KIRREL3: variants seen among roughly 807,000 people sequenced by gnomAD.
KIRREL3 encodes kin of IRRE-like protein 3.
In KIRREL3, 36 loss-of-function variants were observed where a neutral mutation model predicts 89.7. That is an observed-to-expected ratio of 0.40 (90% CI 0.31 to 0.53). The LOEUF (loss-of-function observed/expected upper bound fraction) is 0.53. Among genes scored for constraint, KIRREL3 ranks in the 20% least tolerant of loss-of-function variants. The pLI is 0.49. For synonymous variants in KIRREL3, 445 were observed against 441.4 expected, an observed-to-expected ratio of 1.01 and a Z score of -0.10; for missense variants, 864 against 1,056.6, an observed-to-expected ratio of 0.82 and a Z score of 2.53.
intron 1 of KIRREL3, among the ~76,000 whole-genome samples, chr11:126,829,132 T>G (rs1943517133): frequency 6.6e-6 from 1 of 152,186 alleles, no homozygotes; most frequent in East Asian, 1.9e-4. Flanking sequence ...ACATCCATGG[T>G]GCTGGCGAAG....
rs1264320511 is a variant in KIRREL3, at chr11:126,755,865, G to C, written c.56-192953C>G. Among the ~76,000 whole-genome samples the C allele has an allele frequency of 7.5e-6, 1 of 133,798 alleles. No homozygotes were observed. The highest frequency in any genetic ancestry group is 1.6e-5 in the Non-Finnish European group (1 of 62,922). 87.8% of individuals were successfully genotyped at this position (133,798 alleles called of 152,430 possible). A position where few individuals can be genotyped will look rare whatever the true frequency, so the allele number is the denominator to read the frequency against. On this transcript the variant is annotated intron_variant, in intron 1 of 16. Transcript: ENST00000525144. This position sits in a 1 kb window ranked among gnomAD's most constrained non-coding sequence, Gnocchi z 4.3. Reference sequence around the variant, plus strand: ...AGAGAGAGAGAGAGAGGGAGAGAGGGAGAGAGAAAAAACAGAGAGAGAGAG... The same window carrying C: ...AGAGAGAGAGAGAGAGGGAGAGAGGCAGAGAGAAAAAACAGAGAGAGAGAG...
rs908068344 is a variant in KIRREL3 at position 126,917,566 on chromosome 11, C to T, written c.55+82889G>A. Among the ~76,000 whole-genome samples, 6 of 152,190 alleles carry T rather than the reference C, an allele frequency of 3.9e-5. No individual in the cohort carries two copies. The highest frequency in any genetic ancestry group is 1.4e-4 in the African/African-American group (6 of 41,450). The stretch of plus-strand genomic sequence containing the variant: ...TAGCACCTCCACACCTATCCTGCCT[C>T]TCTTAGAGCACTGCTCAGTTGTAGG... On this transcript the variant is annotated intron_variant, in intron 1 of 16. Transcript: ENST00000525144. This position sits in a 1 kb window ranked among gnomAD's most constrained non-coding sequence, Gnocchi z 5.0.
In KIRREL3 at chr11:126,892,592, G is replaced by C. The variant is rs1023670582; in HGVS notation, c.55+107863C>G. On this transcript the variant is annotated intron_variant, in intron 1 of 16. Coordinates refer to ENST00000525144, the MANE Select transcript of KIRREL3 (RefSeq NM_032531.4). The surrounding 1 kb of genome is among the most constrained non-coding windows in gnomAD (Gnocchi z 5.4). The stretch of plus-strand genomic sequence containing the variant: ...AGAAGTAAGGCCTGGCTCTGTGCAC[G>C]TGTGTGTGCATGTGCACGTGTGTAT... Among the ~76,000 whole-genome samples, 1 of 152,144 alleles carries C rather than the reference G, an allele frequency of 6.6e-6. No individual in the cohort carries two copies. Among genetic ancestry groups the C allele is most frequent in the African/African-American group, 2.4e-5 (1 of 41,426 alleles).
Position 126,635,991 on chromosome 11 carries a change from C to A in KIRREL3, c.56-73079G>T, listed in dbSNP as rs1010822222. On this transcript the variant is annotated intron_variant, in intron 1 of 16. Transcript: ENST00000525144. This position sits in a 1 kb window ranked among gnomAD's most constrained non-coding sequence, Gnocchi z 4.0. The stretch of plus-strand genomic sequence containing the variant: ...CGGGAGGGATCAGTGGAGGAAGCGA[C>A]GTGATTCCTGTAAGACTTGAATGCC... Among the ~76,000 whole-genome samples, 1 of 152,182 alleles carries A rather than the reference C, an allele frequency of 6.6e-6. No homozygotes were observed. The highest frequency in any genetic ancestry group is 1.5e-5 in the Non-Finnish European group (1 of 68,040).
In KIRREL3 at chr11:126,441,890, G is replaced by A. The variant is rs764855225; in HGVS notation, c.1253-1341C>T. 1.4e-4 allele frequency among the ~76,000 whole-genome samples: 21 copies of A among 152,132 alleles called. No homozygotes were observed. The highest frequency in any genetic ancestry group is 1.2e-4 in the Non-Finnish European group (8 of 68,030). Reference sequence around the variant, plus strand: ...CCTAAAAATCCTTCAGCTCCAACAGGTCTAGGACCCAAAGAGATGAGGAGA... The same window carrying A: ...CCTAAAAATCCTTCAGCTCCAACAGATCTAGGACCCAAAGAGATGAGGAGA... On this transcript the variant is annotated intron_variant, in intron 10 of 16. Coordinates refer to ENST00000525144, the MANE Select transcript of KIRREL3 (RefSeq NM_032531.4). The surrounding 1 kb of genome is among the most constrained non-coding windows in gnomAD (Gnocchi z 5.0).
intron 1 of KIRREL3, among the ~76,000 whole-genome samples, chr11:126,984,395 AGT>A (rs1174020910): frequency 6.6e-6 from 1 of 152,082 alleles, no homozygotes; most frequent in Non-Finnish European, 1.5e-5. Context: ...AGTTGTGATG[AGT>A]GCTCTATGCC....
At chr11:127,001,494 T>G (rs1345102727), upstream of KIRREL3, among the ~76,000 whole-genome samples, 1 of 152,116 alleles carries the variant, frequency 6.6e-6, no homozygotes, top group Non-Finnish European at 1.5e-5. Flanking sequence ...AGCCTGTCTT[T>G]GCATTCAGAG....
intron 8 of KIRREL3, among the ~76,000 whole-genome samples, chr11:126,448,306 T>TAAAG (rs1400007185): frequency 9.7e-5 from 12 of 123,654 alleles, no homozygotes; most frequent in Admixed American, 2.4e-4. Flanking sequence ...AAAAAAGAAA[T>TAAAG]AAAAAGAAAA....
chr11:126,630,101 T>C (rs551334364), intron 1 of KIRREL3, among the ~76,000 whole-genome samples: 9 of 152,306 alleles, frequency 5.9e-5, no homozygotes, highest in Non-Finnish European at 1.0e-4. Flanking sequence ...TGGAATGCAA[T>C]GTAGTCTGGT....
intron 2 of KIRREL3, among the ~76,000 whole-genome samples, chr11:126,532,467 C>T (rs1958973473): frequency 6.6e-6 from 1 of 152,136 alleles, no homozygotes; most frequent in South Asian, 2.1e-4. Flanking sequence ...CCTCCCCCTC[C>T]TGGGTTCAAG....
chr11:126,608,474 G>T lies in KIRREL3; in HGVS notation c.56-45562C>A, dbSNP rs1942982803. Among the ~76,000 whole-genome samples the T allele has an allele frequency of 6.6e-6, 1 of 151,954 alleles. No individual in the cohort carries two copies. On this transcript the variant is annotated intron_variant, in intron 1 of 16. Coordinates refer to ENST00000525144, the MANE Select transcript of KIRREL3 (RefSeq NM_032531.4). This position sits in a 1 kb window ranked among gnomAD's most constrained non-coding sequence, Gnocchi z 4.9. The stretch of plus-strand genomic sequence containing the variant: ...CCCCTGGTGCCCTTCCTCTGTCTGT[G>T]GGAGGTGCGCGTCTGGCATTCCTCC...
intron 13 of KIRREL3, among the ~76,000 whole-genome samples, chr11:126,433,858 G>T (rs1955223464): frequency 6.6e-6 from 1 of 152,216 alleles, no homozygotes; most frequent in Non-Finnish European, 1.5e-5. Flanking sequence ...TCCATGGAAG[G>T]CTCTTAACAC....
rs548005582 is a variant in KIRREL3, at chr11:126,736,644, C to T, written c.56-173732G>A. 6.6e-6 allele frequency among the ~76,000 whole-genome samples: 1 copy of T among 152,306 alleles called. No individual in the cohort carries two copies. Among genetic ancestry groups the T allele is most frequent in the African/African-American group, 2.4e-5 (1 of 41,566 alleles). On this transcript the variant is annotated intron_variant, in intron 1 of 16. Transcript: ENST00000525144. This position sits in a 1 kb window ranked among gnomAD's most constrained non-coding sequence, Gnocchi z 5.0. Reference sequence around the variant, plus strand: ...GTGAGGAGCCCAGGGTGCTGCTAACCACTCTGCAATGCACAGGCCAGCCCC... The same window carrying T: ...GTGAGGAGCCCAGGGTGCTGCTAACTACTCTGCAATGCACAGGCCAGCCCC...
chr11:126,435,982 G>A (rs1024375610), intron 12 of KIRREL3, among the ~76,000 whole-genome samples: 4 of 152,186 alleles, frequency 2.6e-5, no homozygotes, highest in African/African-American at 7.2e-5. Context: ...CTCAGAACCC[G>A]GCTTGCTGCT....
rs926901097 is a variant in KIRREL3 at position 126,965,845 on chromosome 11, G to A, written c.55+34610C>T. 6.6e-6 allele frequency among the ~76,000 whole-genome samples: 1 copy of A among 152,186 alleles called. No homozygotes were observed. Among genetic ancestry groups the A allele is most frequent in the Non-Finnish European group, 1.5e-5 (1 of 68,032 alleles). On this transcript the variant is annotated intron_variant, in intron 1 of 16. Coordinates refer to ENST00000525144, the MANE Select transcript of KIRREL3 (RefSeq NM_032531.4). The surrounding 1 kb of genome is among the most constrained non-coding windows in gnomAD (Gnocchi z 4.4). ...CCAGACAGGTGACAGAACTCGATGT[G>A]TGTGGGTATCAGGTCAGCAGCTTTG... is the stretch of plus-strand genomic sequence containing the variant.
rs754802632 is a variant in KIRREL3, at chr11:126,523,760, C to T, written c.284-2296G>A. Among the ~76,000 whole-genome samples the T allele has an allele frequency of 6.6e-6, 1 of 152,190 alleles. No homozygotes were observed. The highest frequency in any genetic ancestry group is 2.4e-5 in the African/African-American group (1 of 41,460). On this transcript the variant is annotated intron_variant, in intron 3 of 16. Coordinates refer to ENST00000525144, the MANE Select transcript of KIRREL3 (RefSeq NM_032531.4). This position sits in a 1 kb window ranked among gnomAD's most constrained non-coding sequence, Gnocchi z 4.9. Reference sequence around the variant, plus strand: ...AGCTGGCTGGCTACCCCCAGCCCCTCCAGCCCAGCCTCTGGATCCCACTAT... The same window carrying T: ...AGCTGGCTGGCTACCCCCAGCCCCTTCAGCCCAGCCTCTGGATCCCACTAT...
In KIRREL3 at chr11:126,814,076, G is replaced by A. The variant is rs921962148; in HGVS notation, c.55+186379C>T. ...TTAAATTTACAAGAAAAAAAAACCC[G>A]GTTAAAAAGTTGGCAAAGGACATGA... On this transcript the variant is annotated intron_variant, in intron 1 of 16. Transcript: ENST00000525144. The surrounding 1 kb of genome is among the most constrained non-coding windows in gnomAD (Gnocchi z 4.4). Among the ~76,000 whole-genome samples, 16 of 151,716 alleles carry A rather than the reference G, an allele frequency of 1.1e-4. No individual in the cohort carries two copies. Among genetic ancestry groups the A allele is most frequent in the Non-Finnish European group, 1.8e-4 (12 of 67,912 alleles).
chr11:126,778,566 A>C lies in KIRREL3; in HGVS notation c.56-215654T>G, dbSNP rs974229781. Among the ~76,000 whole-genome samples, 5 of 152,232 alleles carry C rather than the reference A, an allele frequency of 3.3e-5. No homozygotes were observed. The highest frequency in any genetic ancestry group is 1.2e-4 in the African/African-American group (5 of 41,462). ...GCTGCGGTAAATACCCTTTTACTGA[A>C]ATCTTTGCACACATCCCAGATTTTT... is the stretch of plus-strand genomic sequence containing the variant. On this transcript the variant is annotated intron_variant, in intron 1 of 16. Coordinates refer to ENST00000525144, the MANE Select transcript of KIRREL3 (RefSeq NM_032531.4). The surrounding 1 kb of genome is among the most constrained non-coding windows in gnomAD (Gnocchi z 4.5).
At position 126,541,702 on chromosome 11, in the gene KIRREL3, G is replaced by T. The variant is rs1441791889; in HGVS notation, c.134-15015C>A. 1.3e-5 allele frequency among the ~76,000 whole-genome samples: 2 copies of T among 152,132 alleles called. No individual in the cohort carries two copies. The highest frequency in any genetic ancestry group is 3.9e-4 in the East Asian group (2 of 5,176). On this transcript the variant is annotated intron_variant, in intron 2 of 16. Coordinates refer to ENST00000525144, the MANE Select transcript of KIRREL3 (RefSeq NM_032531.4). The surrounding 1 kb of genome is among the most constrained non-coding windows in gnomAD (Gnocchi z 4.8). ...GGAATCTGCATTTTAATAGCTTCTG[G>T]GTCATCCTTCTGCAGGCGGTTTCTG...
Sources: allele counts gnomAD v4.1 joint callset (sites outside exome capture counted in the v4.1 genomes callset), GRCh38; gene constraint gnomAD v4.1.1; non-coding constraint Gnocchi (gnomAD v3.1); transcripts MANE v1.5; gene names NCBI Gene and HGNC (gene_info 2026-07-23, HGNC 2026-07-21).